Variants in CEACAM7 observed in about 807,000 individuals in gnomAD.
The protein encoded by CEACAM7 is CEA cell adhesion molecule 7.
A neutral mutation model predicts 25.7 loss-of-function variants in CEACAM7; 24 were observed. The observed-to-expected ratio is 0.93, with a 90% CI of 0.68 to 1.31. CEACAM7 has a LOEUF of 1.31. CEACAM7 is among the 40% of genes most tolerant of loss of function. The pLI is 0.00. For missense variants in CEACAM7, 324 were observed against 330.1 expected, an observed-to-expected ratio of 0.98 and a Z score of 0.14; for synonymous variants, 144 against 129.4, an observed-to-expected ratio of 1.11 and a Z score of -0.77.
chr19:41,684,147 C>G, intron 2 of CEACAM7, 84 bp from the exon 3 acceptor site: 2 of 1,468,158 alleles, frequency 1.4e-6, no homozygotes, highest in Non-Finnish European at 1.9e-6. Flanking sequence ...GTTGGCATCT[C>G]CCACCTCTAA....
At chr19:41,677,270 G>T in intron 4 of CEACAM7, 106 bp downstream of exon 4, 1 of 609,682 alleles carries the variant, frequency 1.6e-6, no homozygotes. Context: ...AGTGGGAGGA[G>T]GAGGAGATCT....
At chr19:41,684,958 G>A (rs2072212473) in intron 2 of CEACAM7, among the ~76,000 whole-genome samples, 1 of 152,216 alleles carries the variant, frequency 6.6e-6, no homozygotes, top group Non-Finnish European at 1.5e-5. Flanking sequence ...TAAGTGAGAT[G>A]CCAGTGGCTG....
intron 3 of CEACAM7, among the ~76,000 whole-genome samples, chr19:41,680,164 A>C (rs1459902262): frequency 2.0e-5 from 3 of 151,724 alleles, no homozygotes; most frequent in Non-Finnish European, 4.4e-5. Flanking sequence ...ACAATCTGAA[A>C]AGAAATTAAG....
At chr19:41,682,093 T>C (rs1264107886) in intron 3 of CEACAM7, among the ~76,000 whole-genome samples, 13 of 152,106 alleles carry the variant, frequency 8.5e-5, no homozygotes, top group Admixed American at 7.9e-4. Flanking sequence ...CTACAGGCCA[T>C]GTGCCACCAT....
At chr19:41,679,802 T>TC (rs1381258578) in intron 3 of CEACAM7, among the ~76,000 whole-genome samples, 659 of 31,448 alleles carry the variant, frequency 0.021, 6 homozygotes, top group Middle Eastern at 0.06. Flanking sequence ...TCTCTCTCTC[T>TC]TTTTTTTTTT....
At chr19:41,680,777 G>A (rs1412251623) in intron 3 of CEACAM7, among the ~76,000 whole-genome samples, 1 of 151,900 alleles carries the variant, frequency 6.6e-6, no homozygotes, top group Non-Finnish European at 1.5e-5. Context: ...ACCCAAAATG[G>A]ATCAAAGACC....
At chr19:41,686,157 A>G (rs548956674) in intron 2 of CEACAM7, among the ~76,000 whole-genome samples, 1 of 152,176 alleles carries the variant, frequency 6.6e-6, no homozygotes, top group Non-Finnish European at 1.5e-5. Context: ...CAAAGAACTT[A>G]CAGCAGAAAC....
At chr19:41,677,145 GAAACA>G (rs1242894240) in intron 4 of CEACAM7, among the ~76,000 whole-genome samples, 4 of 152,218 alleles carry the variant, frequency 2.6e-5, no homozygotes, top group Non-Finnish European at 1.5e-5. Flanking sequence ...TTGAATTGGG[GAAACA>G]AATGAGCAGA....
At chr19:41,677,637 TG>T in intron 3 of CEACAM7, 134 bp from the exon 4 acceptor site, 1 of 589,588 alleles carries the variant, frequency 1.7e-6, no homozygotes. Flanking sequence ...GGAAGGTTGC[TG>T]GGAGATGATT....
intron 3 of CEACAM7, among the ~76,000 whole-genome samples, 175 bp from the exon 4 acceptor site, chr19:41,677,678 C>T (rs909176119): frequency 1.3e-5 from 2 of 152,140 alleles, no homozygotes; most frequent in Non-Finnish European, 2.9e-5. Context: ...GGTTTTTTAT[C>T]TCACCAGGTT....
intron 2 of CEACAM7, among the ~76,000 whole-genome samples, chr19:41,684,458 G>A (rs1409830773): frequency 6.6e-6 from 1 of 152,170 alleles, no homozygotes; most frequent in Non-Finnish European, 1.5e-5. Context: ...ACCCAGCCAA[G>A]GGGTGTTTCT....
Position 41,684,057 on chromosome 19 carries a change from G to A in CEACAM7, c.434C>T (p.Pro145Leu). The change falls in exon 3 of 5, where the codon CCA becomes CTA. Residue 145 changes from proline (P) to leucine (L), a missense_variant. Pro to Leu is a moderately conservative substitution (Grantham distance 98). Transcript: ENST00000401731. ...GTTGCTGGTGATGGAGGGCTTGGGT[G>A]GCTCCGCTGTGCAGATAAGAGAGAG... ...VTRQFYVFSEPPKPSITSNNF... is the reference protein window; with the variant it reads ...VTRQFYVFSELPKPSITSNNF... 5 of 1,614,016 alleles carry A rather than the reference G, an allele frequency of 3.1e-6. No homozygotes were observed. Among genetic ancestry groups the A allele is most frequent in the Non-Finnish European group, 4.2e-6 (5 of 1,179,964 alleles).
rs782256752 is a variant in CEACAM7 at position 41,686,966 on chromosome 19, G to T, written c.320C>A (p.Thr107Asn). ...GTGGGTGACGTTCTGGATCAGCAGG[G>T]TTCCATTGGGGTATATTGTCTCTCG... ...NGRETIYPNG[T>N]LLIQNVTHND... The change falls in exon 2 of 5, where the codon ACC becomes AAC. Residue 107 changes from threonine to asparagine, a missense_variant. Physicochemically the swap from Thr to Asn is moderately conservative, Grantham distance 65. Transcript: ENST00000401731. The T allele has an allele frequency of 1.2e-6, 2 of 1,611,320 alleles. No homozygotes were observed. Among genetic ancestry groups the T allele is most frequent in the East Asian group, 2.2e-5 (1 of 44,854 alleles).
At chr19:41,681,313 C>T (rs1262105688) in intron 3 of CEACAM7, among the ~76,000 whole-genome samples, 9 of 152,150 alleles carry the variant, frequency 5.9e-5, no homozygotes, top group Non-Finnish European at 1.0e-4. Flanking sequence ...TTGAAACTCT[C>T]GTGCATTGCC....
chr19:41,681,782 TACAG>T (rs782048771), intron 3 of CEACAM7, among the ~76,000 whole-genome samples: 2 of 152,144 alleles, frequency 1.3e-5, no homozygotes, highest in African/African-American at 2.4e-5. Flanking sequence ...AATAGTCAAT[TACAG>T]ACAGACAGAA....
rs1555809860 is a variant in CEACAM7 at position 41,674,100 on chromosome 19, A to G, written c.*676T>C. On this transcript the variant is annotated 3_prime_UTR_variant, in exon 5 of 5. Coordinates refer to ENST00000401731, the MANE Select transcript of CEACAM7 (RefSeq NM_001291485.2). ...TTATTTATGTGCAACAAGAAGTGTC[A>G]GCAACTGCACAAACTCCTCCCTGTT... 1 of 152,278 alleles carries G rather than the reference A, an allele frequency of 6.6e-6. No individual in the cohort carries two copies. The highest frequency in any genetic ancestry group is 1.5e-5 in the Non-Finnish European group (1 of 68,056). 9.4% of individuals were successfully genotyped at this position (152,278 alleles called of 1,614,324 possible).
chr19:41,680,083 G>A (rs1351928859), intron 3 of CEACAM7, among the ~76,000 whole-genome samples: 1 of 146,728 alleles, frequency 6.8e-6, no homozygotes, highest in East Asian at 2.0e-4. Context: ...GCCTCCCAAA[G>A]TGCTGGGATT....
chr19:41,682,396 T>C (rs1555810771), intron 3 of CEACAM7, among the ~76,000 whole-genome samples: 2 of 152,104 alleles, frequency 1.3e-5, no homozygotes, highest in East Asian at 3.8e-4. Context: ...TGGCTGAATC[T>C]CCCTATTTGT....
rs1372468328 is a variant in CEACAM7 at position 41,677,445 on chromosome 19, C to A, written c.765G>T (p.Met255Ile). Residue 255 changes from methionine to isoleucine, a missense_variant, in exon 4 of 5, where the codon ATG becomes ATT. Transcript: ENST00000401731. Reference sequence around the variant, plus strand: ...GAGCCATCCCAGCCAGTACTCCAATCATGATGCTGACAGCGGTCCCAGCTG... The same window carrying A: ...GAGCCATCCCAGCCAGTACTCCAATAATGATGCTGACAGCGGTCCCAGCTG... ...DLSAGTAVSI[M>I]IGVLAGMALI is the part of the protein sequence containing the mutation. 2 of 1,613,960 alleles carry A rather than the reference C, an allele frequency of 1.2e-6. No homozygotes were observed. The highest frequency in any genetic ancestry group is 2.7e-5 in the African/African-American group (2 of 74,924).
Sources: gnomAD v4.1 joint callset for allele counts (sites outside exome capture counted in the v4.1 genomes callset) on GRCh38, gnomAD v4.1.1 for gene constraint, MANE v1.5 for transcripts, NCBI Gene and HGNC (gene_info 2026-07-23, HGNC 2026-07-21) for gene names.